The following CHST10 variants were observed in gnomAD, a reference collection of about 807,000 sequenced individuals.
The protein encoded by CHST10 is HNK-1 sulfotransferase.
In CHST10, 24 loss-of-function variants were observed where a neutral mutation model predicts 34.7. The observed-to-expected ratio is 0.69, with a 90% CI of 0.50 to 0.97. The LOEUF is 0.97. Among genes scored for constraint, CHST10 ranks in the 50% least tolerant of loss-of-function variants. The probability of loss-of-function intolerance (pLI) is 0.00; values close to 1 mark genes in which losing one functional copy is unlikely to be tolerated. For synonymous variants in CHST10, 161 were observed against 169.3 expected (o/e 0.95, Z 0.38); for missense variants, 402 against 452.1 (o/e 0.89, Z 1.00).
In CHST10 at chr2:100,393,739, C is replaced by T. The variant is rs764927277; in HGVS notation, c.577G>A (p.Glu193Lys). 1.8e-5 allele frequency: 29 copies of T among 1,612,720 alleles called. No individual in the cohort carries two copies. In the Admixed American group the frequency reaches 3.8e-4, roughly 21 times the overall value. ...TCCTTAAATGCAGAAATAAGTCTTT[C>T]GAAGGGATCTCTTACAATAAAAAAC... is the stretch of plus-strand genomic sequence containing the variant. ...FKFFIVRDPF[E>K]RLISAFKDKF... The change falls in exon 7 of 7, where the codon GAA becomes AAA. Residue 193 changes from glutamate to lysine, a missense_variant. Transcript: ENST00000264249.
intron 5 of CHST10, 58 bp downstream of exon 5, chr2:100,397,850 T>A: frequency 7.1e-7 from 1 of 1,408,352 alleles, no homozygotes; most frequent in Non-Finnish European, 9.8e-7. Flanking sequence ...CTCCCCAGCC[T>A]CCTCAGCACC....
At chr2:100,411,145 GTCTC>G (rs1347174028) in intron 2 of CHST10, among the ~76,000 whole-genome samples, 7 of 131,642 alleles carry the variant, frequency 5.3e-5, no homozygotes, top group Admixed American at 1.7e-4. Context: ...GAGGCAGTGT[GTCTC>G]TCTGTCACCC....
intron 3 of CHST10, among the ~76,000 whole-genome samples, chr2:100,404,159 C>T (rs532955854): frequency 1.2e-4 from 19 of 152,362 alleles, no homozygotes; most frequent in African/African-American, 3.1e-4. Flanking sequence ...TAACATCTCA[C>T]GCGAGTGAGG....
At chr2:100,417,103 A>T (rs1676098576) in intron 1 of CHST10, 1 of 1,280,080 alleles carries the variant, frequency 7.8e-7, no homozygotes, top group African/African-American at 1.5e-5. Context: ...TCAGCCAAGG[A>T]TGAAAGAAGT....
intron 5 of CHST10, 38 bp downstream of exon 5, chr2:100,397,870 G>T: frequency 6.5e-7 from 1 of 1,543,100 alleles, no homozygotes; most frequent in Non-Finnish European, 8.9e-7. Context: ...CGGCCACCAA[G>T]ACCCTTCCCA....
rs199997717 is a variant in CHST10 at position 100,398,024 on chromosome 2, G to C, written c.311C>G (p.Pro104Arg). The C allele has an allele frequency of 1.1e-5, 17 of 1,614,194 alleles. No homozygotes were observed. Among genetic ancestry groups the C allele is most frequent in the Non-Finnish European group, 3.4e-6 (4 of 1,180,034 alleles). Reference sequence around the variant, plus strand: ...TCGGTCCAGGACAAACTTGGAGACAGGAGTGTGCGAGAGATTCTTCAGGGC... The same window carrying C: ...TCGGTCCAGGACAAACTTGGAGACACGAGTGTGCGAGAGATTCTTCAGGGC... Reference protein sequence around the residue: ...DDALKNLSHTPVSKFVLDRIF... With the variant: ...DDALKNLSHTRVSKFVLDRIF... Residue 104 changes from proline (P) to arginine (R), a missense_variant, in exon 5 of 7, where the codon CCT becomes CGT. Coordinates refer to ENST00000264249, the MANE Select transcript of CHST10 (RefSeq NM_004854.5).
At chr2:100,400,662 C>T (rs1241233373) in intron 4 of CHST10, among the ~76,000 whole-genome samples, 3 of 152,186 alleles carry the variant, frequency 2.0e-5, no homozygotes, top group East Asian at 1.9e-4. Flanking sequence ...TTCAAACATT[C>T]GGCTACACCA....
intron 2 of CHST10, among the ~76,000 whole-genome samples, chr2:100,409,972 T>C (rs185747265): frequency 8.5e-4 from 130 of 152,298 alleles, no homozygotes; most frequent in African/African-American, 3.0e-3. Flanking sequence ...GTCCCCGGGA[T>C]GGTACCAGGA....
chr2:100,416,897 C>G (rs1209822605), intron 1 of CHST10: 3 of 1,163,898 alleles, frequency 2.6e-6, no homozygotes, highest in Non-Finnish European at 3.5e-6. Context: ...CAACTTCGGA[C>G]AGGCCTCCTG....
intron 2 of CHST10, among the ~76,000 whole-genome samples, chr2:100,409,079 G>A (rs1000935733): frequency 3.9e-5 from 6 of 152,170 alleles, no homozygotes; most frequent in African/African-American, 1.4e-4. Context: ...TGCAGGTGAC[G>A]CGCTGACTCT....
chr2:100,397,837 G>T, intron 5 of CHST10, 71 bp downstream of exon 5: 1 of 1,274,540 alleles, frequency 7.8e-7, no homozygotes, highest in Admixed American at 2.0e-5. Flanking sequence ...CCTCCTTGCT[G>T]TCCTCCCCAG....
chr2:100,416,906 T>C lies in CHST10; in HGVS notation c.-104+468A>G. On this transcript the variant is annotated intron_variant, in intron 1 of 6. Transcript: ENST00000264249. Reference sequence around the variant, plus strand: ...AACCTCCAACTTCGGACAGGCCTCCTGACAGCGAAGATCAGAGGCTCAGGG... The same window carrying C: ...AACCTCCAACTTCGGACAGGCCTCCCGACAGCGAAGATCAGAGGCTCAGGG... 7.3e-6 allele frequency: 9 copies of C among 1,235,076 alleles called. No individual in the cohort carries two copies. In the South Asian group the frequency reaches 1.1e-4, roughly 16 times the overall value. 76.5% of individuals were successfully genotyped at this position (1,235,076 alleles called of 1,614,324 possible). A position where few individuals can be genotyped will look rare whatever the true frequency, so the allele number is the denominator to read the frequency against.
intron 2 of CHST10, among the ~76,000 whole-genome samples, chr2:100,411,116 C>CTTT (rs66495740): frequency 1.9e-4 from 24 of 129,082 alleles, no homozygotes; most frequent in South Asian, 5.0e-4. Flanking sequence ...AGCATTTTTT[C>CTTT]TTTTTTTTTT....
In CHST10 at chr2:100,402,556, G is replaced by A. The variant is rs753326107; in HGVS notation, c.192+8C>T. Reference sequence around the variant, plus strand: ...AGAGGACAAGGACCACGGCCTGGCTGTGCCCACCTTCAGTTCCTCAGGAAT... The same window carrying A: ...AGAGGACAAGGACCACGGCCTGGCTATGCCCACCTTCAGTTCCTCAGGAAT... On this transcript the variant is annotated splice_region_variant and intron_variant, in intron 4 of 6. Transcript: ENST00000264249. 4.3e-6 allele frequency: 7 copies of A among 1,612,542 alleles called. No individual in the cohort carries two copies. The Admixed American group carries it at 1.2e-4, about 27-fold the overall frequency.
intron 2 of CHST10, among the ~76,000 whole-genome samples, chr2:100,409,297 TA>T (rs1675719348): frequency 6.6e-6 from 1 of 152,088 alleles, no homozygotes; most frequent in African/African-American, 2.4e-5. Context: ...CATCTGCAGG[TA>T]AAGTGGGAAG....
intron 2 of CHST10, among the ~76,000 whole-genome samples, chr2:100,410,162 C>A (rs1675769780): frequency 6.6e-6 from 1 of 152,264 alleles, no homozygotes; most frequent in African/African-American, 2.4e-5. Flanking sequence ...GCCACAGAGC[C>A]TGTGGGCAGT....
chr2:100,397,230 G>T (rs1284504755), intron 5 of CHST10, among the ~76,000 whole-genome samples: 1 of 152,214 alleles, frequency 6.6e-6, no homozygotes, highest in Non-Finnish European at 1.5e-5. Context: ...AGACTAATTG[G>T]AATTTAAATA....
chr2:100,396,371 ACT>A (rs1675059486), intron 5 of CHST10, among the ~76,000 whole-genome samples: 1 of 152,026 alleles, frequency 6.6e-6, no homozygotes, highest in Admixed American at 6.6e-5. Flanking sequence ...CAGGTTTTTC[ACT>A]CTTTTCTCAA....
In CHST10 at chr2:100,393,440, G is replaced by A. The variant is rs1674890740; in HGVS notation, c.876C>T (p.Tyr292=). 9.3e-6 allele frequency: 15 copies of A among 1,614,154 alleles called. No individual in the cohort carries two copies. In the East Asian group the frequency reaches 2.9e-4, roughly 31 times the overall value. The change falls in exon 7 of 7, where the codon TAC becomes TAT. Residue 292 remains tyrosine (Y), a synonymous_variant. Transcript: ENST00000264249. ...GGTCAATGCCAGCCTCTTTTAAGAT[G>A]TATGGGGCATCGTCCTCCAGGGTCT... ...HHETLEDDAP[Y]ILKEAGIDHL... is the part of the protein sequence containing the mutation.
Sources: allele counts gnomAD v4.1 joint callset (sites outside exome capture counted in the v4.1 genomes callset), GRCh38; gene constraint gnomAD v4.1.1; transcripts MANE v1.5; gene names NCBI Gene and HGNC (gene_info 2026-07-23, HGNC 2026-07-21).